Variants in ZFPM2 observed in about 807,000 individuals in gnomAD.
ZFPM2 encodes the protein zinc finger protein ZFPM2.
Under a neutral mutation model 98.6 loss-of-function variants are expected in ZFPM2, and 20 were observed. That is an observed-to-expected ratio of 0.20 (90% confidence interval 0.14 to 0.29). The LOEUF is 0.29. Among genes scored for constraint, ZFPM2 ranks in the 10% least tolerant of loss-of-function variants. ZFPM2 has a pLI of 1.00. For synonymous variants in ZFPM2, 518 were observed against 502.7 expected, an observed-to-expected ratio of 1.03 and a Z score of -0.41; for missense variants, 1,310 against 1,388.6, an observed-to-expected ratio of 0.94 and a Z score of 0.90.
At chr8:105,754,660 T>A (rs560542229) in intron 5 of ZFPM2, among the ~76,000 whole-genome samples, 195 of 150,602 alleles carry the variant, frequency 1.3e-3, no homozygotes, top group Middle Eastern at 3.4e-3. Context: ...ATGTGAATTG[T>A]AAGAGAAAAG....
chr8:105,525,787 C>G (rs550313356), intron 3 of ZFPM2, among the ~76,000 whole-genome samples: 1 of 152,168 alleles, frequency 6.6e-6, no homozygotes, highest in East Asian at 1.9e-4. Context: ...GGTGATGTCC[C>G]CAGATAAAGA....
intron 5 of ZFPM2, among the ~76,000 whole-genome samples, chr8:105,748,668 G>A (rs1479097344): frequency 4.0e-5 from 6 of 151,794 alleles, no homozygotes; most frequent in East Asian, 1.9e-4. Flanking sequence ...AAATATCTCC[G>A]AAAAAAATGA....
intron 1 of ZFPM2, among the ~76,000 whole-genome samples, chr8:105,374,319 G>T (rs532421850): frequency 1.2e-4 from 18 of 152,106 alleles, no homozygotes; most frequent in Non-Finnish European, 2.5e-4. Flanking sequence ...TAGATAAATT[G>T]CTCATAGTTC....
At chr8:105,431,506 C>T (rs1220550583) in intron 2 of ZFPM2, among the ~76,000 whole-genome samples, 3 of 152,058 alleles carry the variant, frequency 2.0e-5, no homozygotes, top group Non-Finnish European at 4.4e-5. Flanking sequence ...AGGGAAGGTC[C>T]TGGATATCGT....
At chr8:105,729,723 T>C (rs566643476) in intron 5 of ZFPM2, among the ~76,000 whole-genome samples, 1 of 151,786 alleles carries the variant, frequency 6.6e-6, no homozygotes, top group South Asian at 2.1e-4. Context: ...TTCATTGTCA[T>C]AGAGGAAGTT....
chr8:105,571,940 T>C (rs1353094578), intron 4 of ZFPM2, among the ~76,000 whole-genome samples: 1 of 152,174 alleles, frequency 6.6e-6, no homozygotes, highest in Non-Finnish European at 1.5e-5. Flanking sequence ...TTTCCTAGCA[T>C]TGGCAAGTTT....
chr8:105,691,381 C>T lies in ZFPM2; in HGVS notation c.532+57024C>T, dbSNP rs375382751. Among the ~76,000 whole-genome samples the T allele has an allele frequency of 1.5e-4, 22 of 142,166 alleles. 1 individual carries two copies. Among genetic ancestry groups the T allele is most frequent in the South Asian group, 4.6e-4 (2 of 4,336 alleles). 93.3% of individuals were successfully genotyped at this position (142,166 alleles called of 152,430 possible). A position where few individuals can be genotyped will look rare whatever the true frequency, so the allele number is the denominator to read the frequency against. ...CTCCTGCCTCAGCCTCCCGAGTAGC[C>T]GGGACTACGGGCGCCCGCCACCGCG... On this transcript the variant is annotated intron_variant, in intron 5 of 7. Coordinates refer to ENST00000407775, the MANE Select transcript of ZFPM2 (RefSeq NM_012082.4).
At chr8:105,344,781 A>C (rs1452724832) in intron 1 of ZFPM2, among the ~76,000 whole-genome samples, 7 of 152,152 alleles carry the variant, frequency 4.6e-5, no homozygotes, top group Admixed American at 4.6e-4. Flanking sequence ...TGTCCTTTAT[A>C]TCAAGTTATG....
At position 105,432,904 on chromosome 8, in the gene ZFPM2, A is replaced by G. The variant is rs116184605; in HGVS notation, c.200-11376A>G. ...CACTTGAGGCCAGGAGTTTGAGACTAGCCTGGGCAATACAGTGAGACACTC... is the reference window on the plus strand; with the variant it reads ...CACTTGAGGCCAGGAGTTTGAGACTGGCCTGGGCAATACAGTGAGACACTC... On this transcript the variant is annotated intron_variant, in intron 2 of 7. Coordinates refer to ENST00000407775, the MANE Select transcript of ZFPM2 (RefSeq NM_012082.4). Among the ~76,000 whole-genome samples, 980 of 152,246 alleles carry G rather than the reference A, an allele frequency of 6.4e-3. 10 individuals are homozygous for G. The highest frequency in any genetic ancestry group is 0.022 in the African/African-American group (934 of 41,552).
chr8:105,625,483 A>T (rs1490964281), intron 4 of ZFPM2, among the ~76,000 whole-genome samples: 2 of 152,146 alleles, frequency 1.3e-5, no homozygotes, highest in Non-Finnish European at 2.9e-5. Context: ...TTTTCAATAG[A>T]ATCACAAGAT....
At chr8:105,571,566 A>G (rs1031454936) in intron 4 of ZFPM2, among the ~76,000 whole-genome samples, 1 of 152,166 alleles carries the variant, frequency 6.6e-6, no homozygotes, top group African/African-American at 2.4e-5. Context: ...TTTTTGAGGA[A>G]TTGTCATTCT....
chr8:105,593,998 G>A lies in ZFPM2; in HGVS notation c.420+32517G>A, dbSNP rs533418956. Among the ~76,000 whole-genome samples, 6 of 152,190 alleles carry A rather than the reference G, an allele frequency of 3.9e-5. No individual in the cohort carries two copies. In the East Asian group the frequency reaches 7.7e-4, roughly 20 times the overall value. On this transcript the variant is annotated intron_variant, in intron 4 of 7. Coordinates refer to ENST00000407775, the MANE Select transcript of ZFPM2 (RefSeq NM_012082.4). ...CTGCTGACCTTACCATAATGCAGCA[G>A]GGCTTCTAGGTATTAAAACCGCTCT...
chr8:105,694,926 A>T (rs1427563705), intron 5 of ZFPM2, among the ~76,000 whole-genome samples: 1 of 152,114 alleles, frequency 6.6e-6, no homozygotes, highest in Non-Finnish European at 1.5e-5. Context: ...TTGAGAATTG[A>T]CTCTGAGCCA....
chr8:105,640,302 AT>A (rs35034028), intron 5 of ZFPM2, among the ~76,000 whole-genome samples: 19,392 of 151,722 alleles, frequency 0.13, 1,283 homozygotes, highest in South Asian at 0.21. Flanking sequence ...TTTATCAGCA[AT>A]TTTTTTTCCC....
At chr8:105,711,732 C>T (rs979617755) in intron 5 of ZFPM2, among the ~76,000 whole-genome samples, 1 of 151,956 alleles carries the variant, frequency 6.6e-6, no homozygotes, top group Non-Finnish European at 1.5e-5. Flanking sequence ...GTCCTTTCTT[C>T]CAATGAAAAT....
chr8:105,637,094 C>A (rs2130844517), intron 5 of ZFPM2, among the ~76,000 whole-genome samples: 1 of 152,260 alleles, frequency 6.6e-6, no homozygotes, highest in Admixed American at 6.5e-5. Context: ...AGCTTCAAAA[C>A]AACTCAATGA....
At chr8:105,650,683 G>A (rs992423340) in intron 5 of ZFPM2, among the ~76,000 whole-genome samples, 15 of 152,272 alleles carry the variant, frequency 9.9e-5, no homozygotes, top group Non-Finnish European at 1.5e-4. Flanking sequence ...GTAGTGGAGC[G>A]GTTTTTAGTG....
intron 3 of ZFPM2, among the ~76,000 whole-genome samples, chr8:105,550,350 C>A (rs1204624739): frequency 6.6e-6 from 1 of 152,114 alleles, no homozygotes; most frequent in African/African-American, 2.4e-5. Context: ...GTCAATCCTT[C>A]CACCTAGTTA....
chr8:105,482,625 G>C (rs1246869483), intron 3 of ZFPM2, among the ~76,000 whole-genome samples: 6 of 151,576 alleles, frequency 4.0e-5, no homozygotes, highest in Non-Finnish European at 8.8e-5. Flanking sequence ...TGTTTATTTT[G>C]ATATTTCCCA....
Sources: gnomAD v4.1 joint callset for allele counts (sites outside exome capture counted in the v4.1 genomes callset) on GRCh38, gnomAD v4.1.1 for gene constraint, MANE v1.5 for transcripts, NCBI Gene and HGNC (gene_info 2026-07-23, HGNC 2026-07-21) for gene names.